Variants in TENM1 observed in about 807,000 individuals in gnomAD.
The protein encoded by TENM1 is teneurin transmembrane protein 1.
In TENM1, 35 loss-of-function variants were observed where a neutral mutation model predicts 174.8. The observed-to-expected ratio is 0.20, with a 90% confidence interval of 0.15 to 0.27. The LOEUF (loss-of-function observed/expected upper bound fraction) is 0.27, where lower values mean the gene tolerates loss of function less well. TENM1 is among the 10% of genes least tolerant of loss of function. The probability of loss-of-function intolerance (pLI) is 1.00; values close to 1 mark genes in which losing one functional copy is unlikely to be tolerated. For missense variants in TENM1, 1,633 were observed against 2,130.1 expected (o/e 0.77, Z 4.59); for synonymous variants, 781 against 798.7 (o/e 0.98, Z 0.37).
chrX:124,564,544 T>C (rs2048899078), intron 12 of TENM1, among the ~76,000 whole-genome samples: 1 of 111,260 alleles, frequency 9.0e-6, no homozygotes, highest in Non-Finnish European at 1.9e-5. Context: ...TGTGACCCCC[T>C]TTCTTTAGCT....
At chrX:124,964,046 G>T (rs2058694499), upstream of TENM1, among the ~76,000 whole-genome samples, 1 of 111,898 alleles carries the variant, frequency 8.9e-6, no homozygotes, top group Non-Finnish European at 1.9e-5. Context: ...AAATACTCAA[G>T]GTAAAAGAGA....
chrX:124,408,891 T>G (rs2060496328), intron 25 of TENM1, among the ~76,000 whole-genome samples: 1 of 92,382 alleles, frequency 1.1e-5, no homozygotes, highest in Non-Finnish European at 2.1e-5. Flanking sequence ...CATTGTTCAA[T>G]TCCCACCTAT....
the TENM1 span, among the ~76,000 whole-genome samples, chrX:125,104,630 C>CT: frequency 1.1e-3 from 118 of 108,301 alleles, no homozygotes; most frequent in East Asian, 5.0e-3. Flanking sequence ...AGGGAAGAGC[C>CT]TTTTTTTTTA....
the TENM1 span, among the ~76,000 whole-genome samples, chrX:125,117,677 G>A: frequency 1.8e-5 from 2 of 110,585 alleles, no homozygotes; most frequent in Admixed American, 9.7e-5. Context: ...TTCTGTACAT[G>A]TATCCCAGAA....
chrX:125,043,212 T>G, the TENM1 span, among the ~76,000 whole-genome samples: 3 of 87,507 alleles, frequency 3.4e-5, no homozygotes, highest in African/African-American at 8.4e-5. Flanking sequence ...GAAACTACCA[T>G]CAGAGTGAAC....
Position 124,934,483 on chromosome X carries a change from G to C in TENM1, c.217+29054C>G, listed in dbSNP as rs771202093. Among the ~76,000 whole-genome samples the C allele has an allele frequency of 3.6e-5, 4 of 112,129 alleles. No individual in the cohort carries two copies. The South Asian group carries it at 1.5e-3, about 42-fold the overall frequency. On this transcript the variant is annotated intron_variant, in intron 1 of 31. Transcript: ENST00000422452. ...TCTGCCCTCTTTGCTAAAGATTTCA[G>C]CTCCTTTATATTGTGTATTTGGCAT... is the stretch of plus-strand genomic sequence containing the variant.
At chrX:124,485,784 G>C (rs1408137785) in intron 21 of TENM1, among the ~76,000 whole-genome samples, 1 of 111,359 alleles carries the variant, frequency 9.0e-6, no homozygotes, top group Admixed American at 9.5e-5. Flanking sequence ...ACAAGTTTGG[G>C]CCTGGACCAA....
intron 23 of TENM1, among the ~76,000 whole-genome samples, chrX:124,446,131 T>C (rs1205657520): frequency 8.9e-6 from 1 of 112,658 alleles, no homozygotes; most frequent in Admixed American, 9.4e-5. Flanking sequence ...ACACATTCTG[T>C]GAATAAACAG....
Position 124,420,717 on chromosome X carries a change from G to A in TENM1, c.4576C>T (p.Arg1526Cys). The A allele has an allele frequency of 8.3e-7, 1 of 1,211,212 alleles. No individual in the cohort carries two copies. Among genetic ancestry groups the A allele is most frequent in the Non-Finnish European group, 1.1e-6 (1 of 895,146 alleles). Reference sequence around the variant, plus strand: ...TGGGCTTGGTTCCTGCTGATGGTACGAATTCGAACATTTCCGAGGTCTGCC... The same window carrying A: ...TGGGCTTGGTTCCTGCTGATGGTACAAATTCGAACATTTCCGAGGTCTGCC... The change falls in exon 25 of 32, where the codon CGT becomes TGT. Residue 1526 changes from arginine (R) to cysteine (C), a missense_variant. Arg to Cys is a radical substitution (Grantham distance 180). Coordinates refer to ENST00000422452, the Ensembl canonical transcript of TENM1.
chrX:124,587,182 A>C (rs1323195517), intron 11 of TENM1, among the ~76,000 whole-genome samples: 1 of 110,251 alleles, frequency 9.1e-6, no homozygotes, highest in East Asian at 2.8e-4. Context: ...CAATTGGAAA[A>C]AACTACTTTA....
chrX:124,713,989 T>C (rs959700422), intron 4 of TENM1, among the ~76,000 whole-genome samples: 1 of 112,417 alleles, frequency 8.9e-6, no homozygotes, highest in Non-Finnish European at 1.9e-5. Flanking sequence ...GAATTACTAT[T>C]AATAATTATA....
chrX:124,810,080 C>G (rs1448649123), intron 3 of TENM1, among the ~76,000 whole-genome samples: 3 of 110,853 alleles, frequency 2.7e-5, no homozygotes, highest in Non-Finnish European at 5.7e-5. Context: ...AGAAGAAAGA[C>G]CATATATGAC....
At chrX:125,091,710 G>A in the TENM1 span, among the ~76,000 whole-genome samples, 9 of 110,912 alleles carry the variant, frequency 8.1e-5, no homozygotes, top group Non-Finnish European at 1.5e-4. Context: ...AGGAGAGGCC[G>A]GGCATGGTGG....
chrX:125,090,812 G>GA, the TENM1 span, among the ~76,000 whole-genome samples: 30,616 of 110,438 alleles, frequency 0.28, 3,515 homozygotes, highest in African/African-American at 0.43. Flanking sequence ...GATATTTTAG[G>GA]AAAGGGAACA....
intron 18 of TENM1, among the ~76,000 whole-genome samples, chrX:124,505,541 A>G (rs2047428393): frequency 9.0e-6 from 1 of 111,276 alleles, no homozygotes; most frequent in Non-Finnish European, 1.9e-5. Flanking sequence ...TTTTGGACCA[A>G]GAGTTAGAAA....
the TENM1 span, among the ~76,000 whole-genome samples, chrX:125,198,504 C>T: frequency 3.8e-4 from 42 of 111,700 alleles, no homozygotes; most frequent in African/African-American, 1.3e-3. Context: ...ATGCACAAAT[C>T]AAACTTCTCT....
Position 124,621,876 on chromosome X carries a change from T to C in TENM1, c.2077+19915A>G, listed in dbSNP as rs552581821. 1.2e-4 allele frequency among the ~76,000 whole-genome samples: 13 copies of C among 112,405 alleles called. No individual in the cohort carries two copies. The South Asian group carries it at 4.8e-3, about 42-fold the overall frequency. On this transcript the variant is annotated intron_variant, in intron 11 of 31. Coordinates refer to ENST00000422452, the Ensembl canonical transcript of TENM1. ...GGCCCTGATACTAAAAATGGAGAAA[T>C]GCTTTGTGCAAGCTAGCTTACAACT...
intron 3 of TENM1, among the ~76,000 whole-genome samples, chrX:124,840,789 G>C (rs1173900163): frequency 1.8e-5 from 2 of 111,726 alleles, no homozygotes; most frequent in East Asian, 5.6e-4. Flanking sequence ...GAAGCTCTAG[G>C]TGCTCATTAC....
At chrX:125,117,665 C>T in the TENM1 span, among the ~76,000 whole-genome samples, 3 of 110,230 alleles carry the variant, frequency 2.7e-5, no homozygotes, top group African/African-American at 9.9e-5. Context: ...CAAACCTGCA[C>T]GTTCTGTACA....
Sources: allele counts gnomAD v4.1 joint callset (sites outside exome capture counted in the v4.1 genomes callset), GRCh38; gene constraint gnomAD v4.1.1; transcripts MANE v1.5; gene names NCBI Gene and HGNC (gene_info 2026-07-23, HGNC 2026-07-21).